ASIC2: variants seen among roughly 807,000 people sequenced by gnomAD.
The protein encoded by ASIC2 is acid sensing ion channel subunit 2, also known as acid-sensing ion channel 2.
Under a neutral mutation model 57.3 loss-of-function variants are expected in ASIC2, and 25 were observed. The observed-to-expected ratio is 0.44, with a 90% CI of 0.32 to 0.61. ASIC2 has a LOEUF of 0.61. ASIC2 is among the 20% of genes least tolerant of loss of function. The pLI is 0.06. For synonymous variants in ASIC2, 319 were observed against 307.5 expected (o/e 1.04, Z -0.39); for missense variants, 641 against 738.1 (o/e 0.87, Z 1.52).
At chr17:33,124,112 C>T (rs911572183) in intron 1 of ASIC2, among the ~76,000 whole-genome samples, 24 of 152,216 alleles carry the variant, frequency 1.6e-4, no homozygotes, top group African/African-American at 5.8e-4. Context: ...CTAAAATCCT[C>T]ATACCACATT....
At chr17:33,923,778 G>C (rs1399454123) in intron 1 of ASIC2, among the ~76,000 whole-genome samples, 1 of 152,160 alleles carries the variant, frequency 6.6e-6, no homozygotes, top group Non-Finnish European at 1.5e-5. Context: ...GTGAGTTAGG[G>C]CAGAAAGAAG....
chr17:34,125,678 C>T (rs1911759294), intron 1 of ASIC2, among the ~76,000 whole-genome samples: 1 of 152,176 alleles, frequency 6.6e-6, no homozygotes, highest in Non-Finnish European at 1.5e-5. Context: ...GGAATGATTC[C>T]TATCTTATAA....
intron 1 of ASIC2, among the ~76,000 whole-genome samples, chr17:33,778,663 C>T (rs914485925): frequency 6.6e-6 from 1 of 152,310 alleles, no homozygotes; most frequent in East Asian, 1.9e-4. Context: ...ATTCTGACTT[C>T]TTCACTTCTC....
intron 1 of ASIC2, among the ~76,000 whole-genome samples, chr17:33,318,224 T>C (rs1435565299): frequency 6.6e-6 from 1 of 152,104 alleles, no homozygotes; most frequent in East Asian, 1.9e-4. Context: ...CCAGACATGC[T>C]CTTTGGGTTT....
intron 1 of ASIC2, among the ~76,000 whole-genome samples, chr17:33,828,992 T>C: frequency 6.6e-6 from 1 of 152,184 alleles, no homozygotes; most frequent in East Asian, 1.9e-4. Context: ...ATATAATAAA[T>C]GGATATTTAT....
intron 1 of ASIC2, among the ~76,000 whole-genome samples, chr17:34,117,581 G>A (rs2142116135): frequency 6.6e-6 from 1 of 152,318 alleles, no homozygotes; most frequent in South Asian, 2.1e-4. Context: ...AGACTGGGAA[G>A]GGCTTTAGTT....
chr17:34,095,644 T>G (rs1251688305), intron 1 of ASIC2, among the ~76,000 whole-genome samples: 2 of 119,874 alleles, frequency 1.7e-5, no homozygotes, highest in African/African-American at 7.5e-5. Flanking sequence ...TATATATATA[T>G]ATATATATAT....
At chr17:33,316,284 G>A (rs778092727) in intron 1 of ASIC2, among the ~76,000 whole-genome samples, 17 of 152,206 alleles carry the variant, frequency 1.1e-4, no homozygotes, top group African/African-American at 2.9e-4. Context: ...GTGTCTCTCC[G>A]TTGTCTACAA....
At chr17:33,577,879 G>T (rs1916684915) in intron 1 of ASIC2, among the ~76,000 whole-genome samples, 1 of 152,114 alleles carries the variant, frequency 6.6e-6, no homozygotes, top group Non-Finnish European at 1.5e-5. Flanking sequence ...CTTTCCAGTG[G>T]CAGCCAGTGG....
At chr17:33,229,540 A>G (rs1255686108) in intron 1 of ASIC2, among the ~76,000 whole-genome samples, 1 of 152,160 alleles carries the variant, frequency 6.6e-6, no homozygotes, top group Admixed American at 6.5e-5. Context: ...CCTGAGCTGG[A>G]CCTTGAAAGG....
intron 3 of ASIC2, among the ~76,000 whole-genome samples, chr17:33,085,317 T>A (rs1264617534): frequency 1.3e-5 from 2 of 152,226 alleles, no homozygotes; most frequent in African/African-American, 4.8e-5. Flanking sequence ...CAAGAAAGAA[T>A]AACAAACACT....
At chr17:33,917,438 A>G (rs1331234681) in intron 1 of ASIC2, among the ~76,000 whole-genome samples, 2 of 152,090 alleles carry the variant, frequency 1.3e-5, no homozygotes, top group Non-Finnish European at 2.9e-5. Flanking sequence ...ACCCCTTCAC[A>G]TTCTTTGCAC....
chr17:33,348,552 C>A lies in ASIC2; in HGVS notation c.556-236485G>T, dbSNP rs543237133. ...GGTAGTTGTTGGGGTATTTGCTGCC[C>A]GCAGATCATGAGCTTCAGAGGGCAC... On this transcript the variant is annotated intron_variant, in intron 1 of 9. Coordinates refer to the ASIC2 transcript ENST00000359872. Among the ~76,000 whole-genome samples, 5 of 152,090 alleles carry A rather than the reference C, an allele frequency of 3.3e-5. No homozygotes were observed. The East Asian group carries it at 9.7e-4, about 29-fold the overall frequency.
chr17:33,358,642 T>C (rs1356012301), intron 1 of ASIC2, among the ~76,000 whole-genome samples: 1 of 152,204 alleles, frequency 6.6e-6, no homozygotes, highest in Non-Finnish European at 1.5e-5. Context: ...AAACAATCAC[T>C]AATCTCTAAT....
In ASIC2 at chr17:33,342,079, A is replaced by G. The variant is rs150933746; in HGVS notation, c.556-230012T>C. On this transcript the variant is annotated intron_variant, in intron 1 of 9. Transcript: ENST00000359872. ...CTTAGCAAAAGAGAATGTGCTGTGA[A>G]CAAACAGAGATCAATTCACACCACT... is the stretch of plus-strand genomic sequence containing the variant. 4.3e-3 allele frequency among the ~76,000 whole-genome samples: 657 copies of G among 152,356 alleles called. 5 individuals carry two copies. The highest frequency in any genetic ancestry group is 0.015 in the African/African-American group (619 of 41,576).
intron 1 of ASIC2, among the ~76,000 whole-genome samples, chr17:34,105,239 T>G (rs1911002380): frequency 6.6e-6 from 1 of 152,016 alleles, no homozygotes; most frequent in South Asian, 2.1e-4. Context: ...CTTGCATGAT[T>G]TTTTAAATAG....
chr17:33,296,123 G>A (rs1383482297), upstream of ASIC2, among the ~76,000 whole-genome samples: 1 of 152,092 alleles, frequency 6.6e-6, no homozygotes, highest in Non-Finnish European at 1.5e-5. Flanking sequence ...ATATAAATGT[G>A]GGACTTCCTA....
At chr17:33,191,197 C>A (rs1906404836) in intron 1 of ASIC2, among the ~76,000 whole-genome samples, 1 of 152,110 alleles carries the variant, frequency 6.6e-6, no homozygotes, top group Non-Finnish European at 1.5e-5. Context: ...GTCTAAAAAT[C>A]ATTATCCTCA....
In ASIC2 at chr17:33,802,983, T is replaced by A. The variant is rs554672898; in HGVS notation, c.555+352995A>T. Among the ~76,000 whole-genome samples, 9 of 152,212 alleles carry A rather than the reference T, an allele frequency of 5.9e-5. No individual in the cohort carries two copies. In the South Asian group the frequency reaches 1.9e-3, roughly 32 times the overall value. On this transcript the variant is annotated intron_variant, in intron 1 of 9. Transcript: ENST00000359872. ...AAGTGCGCATAGCCAAAGTAAGAGA[T>A]CTTGAGTGTAAGCATTGCCTTTGGA...
Sources: allele counts gnomAD v4.1 joint callset (sites outside exome capture counted in the v4.1 genomes callset), GRCh38; gene constraint gnomAD v4.1.1; transcripts MANE v1.5; gene names NCBI Gene and HGNC (gene_info 2026-07-23, HGNC 2026-07-21).